POF1B: variants seen among roughly 807,000 people sequenced by gnomAD.
The protein encoded by POF1B is POF1B actin binding protein.
A neutral mutation model predicts 55.3 loss-of-function variants in POF1B; 53 were observed. That is an observed-to-expected ratio of 0.96 (90% CI 0.77 to 1.20). The LOEUF (loss-of-function observed/expected upper bound fraction) is 1.20. Among genes scored for constraint, POF1B ranks in the 50% most tolerant of loss-of-function variants. The pLI is 0.00. For synonymous variants in POF1B, 188 were observed against 148.3 expected (o/e 1.27, Z -1.95); for missense variants, 478 against 420.5 (o/e 1.14, Z -1.20).
rs1481561681 is a variant in POF1B at position 85,331,023 on chromosome X, C to T, written c.780G>A (p.Leu260=). 2 of 1,203,969 alleles carry T rather than the reference C, an allele frequency of 1.7e-6. No individual in the cohort carries two copies. The highest frequency in any genetic ancestry group is 2.2e-6 in the Non-Finnish European group (2 of 891,822). The change falls in exon 7 of 17, where the codon TTG becomes TTA. Residue 260 remains leucine, a synonymous_variant. Transcript: ENST00000262753. ...TATTCTTACGGCTCAGATCAGCAAGCAACTCTCCAAAATATCTGGGGTCCA... is the reference window on the plus strand; with the variant it reads ...TATTCTTACGGCTCAGATCAGCAAGTAACTCTCCAAAATATCTGGGGTCCA... ...EKLDPRYFGE[L]LADLSRKNTD...
chrX:85,375,536 G>A (rs993970868), intron 2 of POF1B, among the ~76,000 whole-genome samples: 1 of 111,850 alleles, frequency 8.9e-6, no homozygotes, highest in Non-Finnish European at 1.9e-5. Context: ...CACAAAAGAG[G>A]AGACCAAAGC....
At chrX:85,378,829 A>G (rs113904281) in intron 2 of POF1B, among the ~76,000 whole-genome samples, 507 of 112,415 alleles carry the variant, frequency 4.5e-3, no homozygotes, top group African/African-American at 0.016. Context: ...AATCAGTAGG[A>G]ACTTGTTCTA....
rs189923205 is a variant in POF1B at position 85,326,353 on chromosome X, G to A, written c.854+4596C>T. On this transcript the variant is annotated intron_variant, in intron 7 of 16. Transcript: ENST00000262753. The stretch of plus-strand genomic sequence containing the variant: ...GCAGTGGTGTTAGCACAGGGGTGGG[G>A]CACTGGTAGCACTGGACTGTGCGCG... Among the ~76,000 whole-genome samples, 635 of 110,977 alleles carry A rather than the reference G, an allele frequency of 5.7e-3. 2 individuals carry two copies. Among genetic ancestry groups the A allele is most frequent in the Middle Eastern group, 0.033 (7 of 214 alleles).
intron 6 of POF1B, among the ~76,000 whole-genome samples, chrX:85,342,403 G>A (rs766750589): frequency 2.7e-5 from 3 of 111,213 alleles, no homozygotes; most frequent in Non-Finnish European, 5.7e-5. Flanking sequence ...AAACATTTGC[G>A]ACCCAGAGTT....
chrX:85,310,508 T>C (rs946748617), intron 9 of POF1B, among the ~76,000 whole-genome samples: 1 of 111,769 alleles, frequency 8.9e-6, no homozygotes, highest in Non-Finnish European at 1.9e-5. Context: ...AAAGAATTAA[T>C]GAACTTAAAG....
intron 4 of POF1B, among the ~76,000 whole-genome samples, chrX:85,352,079 T>G (rs767424057): frequency 9.0e-6 from 1 of 110,892 alleles, no homozygotes; most frequent in Non-Finnish European, 1.9e-5. Flanking sequence ...GCTGTAAGAT[T>G]AGCTGAGTGC....
intron 8 of POF1B, among the ~76,000 whole-genome samples, chrX:85,315,492 T>C (rs1932779591): frequency 9.0e-6 from 1 of 111,023 alleles, no homozygotes; most frequent in African/African-American, 3.3e-5. Context: ...AAGTGACAGC[T>C]GATAACAATT....
chrX:85,309,781 C>T (rs1932657476), intron 9 of POF1B, among the ~76,000 whole-genome samples: 1 of 111,799 alleles, frequency 8.9e-6, no homozygotes, highest in Non-Finnish European at 1.9e-5. Flanking sequence ...CTTAGACTGC[C>T]CCCTTGTCAG....
intron 15 of POF1B, among the ~76,000 whole-genome samples, chrX:85,302,334 A>C: frequency 9.0e-6 from 1 of 111,608 alleles, no homozygotes; most frequent in Middle Eastern, 4.7e-3. Context: ...TAAGCACATA[A>C]AAATTGCTAA....
chrX:85,353,414 A>G (rs1490332605), intron 4 of POF1B, among the ~76,000 whole-genome samples: 1 of 110,689 alleles, frequency 9.0e-6, no homozygotes, highest in Non-Finnish European at 1.9e-5. Flanking sequence ...GATTATCCCA[A>G]TAATCAAAAA....
chrX:85,364,963 T>G (rs929144809), intron 3 of POF1B, among the ~76,000 whole-genome samples: 1 of 111,958 alleles, frequency 8.9e-6, no homozygotes, highest in African/African-American at 3.2e-5. Flanking sequence ...TTCTTTTTTT[T>G]CTTTATTTTT....
chrX:85,288,974 T>G (rs1383820632), intron 15 of POF1B, among the ~76,000 whole-genome samples: 1 of 111,675 alleles, frequency 9.0e-6, no homozygotes, highest in Admixed American at 9.5e-5. Context: ...AAACAGATAA[T>G]GTAAAAATCC....
chrX:85,337,293 T>C (rs1392965509), intron 6 of POF1B, among the ~76,000 whole-genome samples: 1 of 111,477 alleles, frequency 9.0e-6, no homozygotes, highest in Non-Finnish European at 1.9e-5. Flanking sequence ...TTGCTCTCCC[T>C]CCCTCAAGCA....
At chrX:85,301,241 C>A (rs1457560706) in intron 15 of POF1B, among the ~76,000 whole-genome samples, 1 of 111,517 alleles carries the variant, frequency 9.0e-6, no homozygotes, top group Non-Finnish European at 1.9e-5. Context: ...AAAAAATAAT[C>A]TTGAAAGCAG....
intron 5 of POF1B, 103 bp from the exon 6 acceptor site, chrX:85,346,145 A>G (rs1467068645): frequency 7.8e-6 from 5 of 637,310 alleles, no homozygotes; most frequent in African/African-American, 2.3e-5. Flanking sequence ...TTCTTTCACT[A>G]TAATTCAAAC....
chrX:85,286,956 A>G (rs1056821283), intron 15 of POF1B, among the ~76,000 whole-genome samples: 1 of 111,205 alleles, frequency 9.0e-6, no homozygotes, highest in African/African-American at 3.3e-5. Context: ...TATAGATGAA[A>G]TCCCCAAATA....
At chrX:85,374,251 A>G (rs1478231813) in intron 2 of POF1B, among the ~76,000 whole-genome samples, 2 of 111,666 alleles carry the variant, frequency 1.8e-5, no homozygotes, top group African/African-American at 6.5e-5. Context: ...TCTTCCTGAG[A>G]CATTCCACAT....
intron 3 of POF1B, among the ~76,000 whole-genome samples, chrX:85,366,233 C>T (rs1248206765): frequency 9.0e-6 from 1 of 111,216 alleles, no homozygotes; most frequent in African/African-American, 3.3e-5. Flanking sequence ...ATTGAATAAT[C>T]ATCCATAGGC....
intron 7 of POF1B, among the ~76,000 whole-genome samples, chrX:85,318,580 C>T (rs1012639900): frequency 8.9e-6 from 1 of 111,815 alleles, no homozygotes; most frequent in South Asian, 3.6e-4. Context: ...TTTCAATATT[C>T]TGCATATGGC....
Sources: gnomAD v4.1 joint callset for allele counts (sites outside exome capture counted in the v4.1 genomes callset) on GRCh38, gnomAD v4.1.1 for gene constraint, MANE v1.5 for transcripts, NCBI Gene and HGNC (gene_info 2026-07-23, HGNC 2026-07-21) for gene names.